The following DCDC1 variants were observed in gnomAD, a reference collection of about 807,000 sequenced individuals.
DCDC1 encodes doublecortin domain-containing protein 1.
In DCDC1, 200 loss-of-function variants were observed where a neutral mutation model predicts 178.3. That is an observed-to-expected ratio of 1.12 (90% confidence interval 1.00 to 1.26). DCDC1 has a LOEUF of 1.26. Ranked by LOEUF, DCDC1 falls within the 50% of genes most tolerant of loss-of-function variation. The probability of loss-of-function intolerance (pLI) is 0.00; values close to 1 mark genes in which losing one functional copy is unlikely to be tolerated. For synonymous variants in DCDC1, 690 were observed against 604.8 expected (o/e 1.14, Z -2.07); for missense variants, 1,983 against 1,749.2 (o/e 1.13, Z -2.38).
chr11:30,914,199 T>C (rs953319255), intron 27 of DCDC1, among the ~76,000 whole-genome samples: 1 of 152,226 alleles, frequency 6.6e-6, no homozygotes, highest in Non-Finnish European at 1.5e-5. Context: ...CCCAGGTGAA[T>C]GGGGCAAAGA....
intron 8 of DCDC1, among the ~76,000 whole-genome samples, chr11:31,261,286 T>C (rs1354966176): frequency 6.6e-6 from 1 of 152,188 alleles, no homozygotes; most frequent in Non-Finnish European, 1.5e-5. Context: ...TAATCATTAT[T>C]GTTTTAGGTA....
chr11:31,239,003 T>C (rs1178208644), intron 9 of DCDC1, among the ~76,000 whole-genome samples: 1 of 152,100 alleles, frequency 6.6e-6, no homozygotes, highest in Non-Finnish European at 1.5e-5. Context: ...ATTATCGCAA[T>C]TTATTTAAAA....
chr11:31,073,506 C>G (rs1956691373), intron 18 of DCDC1, among the ~76,000 whole-genome samples: 1 of 152,134 alleles, frequency 6.6e-6, no homozygotes, highest in South Asian at 2.1e-4. Flanking sequence ...CAACTGTGTT[C>G]AGGTATGTTT....
At chr11:30,871,567 T>C (rs1941561479) in intron 38 of DCDC1, among the ~76,000 whole-genome samples, 2 of 152,140 alleles carry the variant, frequency 1.3e-5, no homozygotes, top group Non-Finnish European at 2.9e-5. Context: ...TATCTATCTA[T>C]CTCCCTCTCT....
At chr11:31,081,902 A>G (rs1957199862) in intron 17 of DCDC1, among the ~76,000 whole-genome samples, 1 of 152,174 alleles carries the variant, frequency 6.6e-6, no homozygotes, top group African/African-American at 2.4e-5. Context: ...TATCATTCTA[A>G]TTTACAATAA....
chr11:31,336,616 T>A (rs1043535937), intron 1 of DCDC1, among the ~76,000 whole-genome samples: 1 of 152,242 alleles, frequency 6.6e-6, no homozygotes, highest in Non-Finnish European at 1.5e-5. Context: ...GTCCATATGT[T>A]AGTATTTTCT....
chr11:31,043,362 G>A (rs1176118139), intron 20 of DCDC1, among the ~76,000 whole-genome samples: 1 of 152,146 alleles, frequency 6.6e-6, no homozygotes, highest in East Asian at 1.9e-4. Flanking sequence ...AAGAGACAAA[G>A]CTGCTGACAT....
chr11:31,298,523 C>T (rs772672048), intron 6 of DCDC1, among the ~76,000 whole-genome samples: 96 of 152,254 alleles, frequency 6.3e-4, no homozygotes, highest in Admixed American at 5.4e-3. Context: ...CTGCCATGTC[C>T]GCCTGACTGT....
intron 31 of DCDC1, 143 bp downstream of exon 31, chr11:30,904,818 C>G: frequency 1.1e-6 from 1 of 904,764 alleles, no homozygotes; most frequent in Non-Finnish European, 1.7e-6. Flanking sequence ...TTTAAGTAAA[C>G]AGAGATCTTC....
Position 31,211,817 on chromosome 11 carries a change from T to A in DCDC1, c.1221+29633A>T, listed in dbSNP as rs561053958. 2.0e-5 allele frequency among the ~76,000 whole-genome samples: 3 copies of A among 152,262 alleles called. No homozygotes were observed. In the East Asian group the frequency reaches 5.8e-4, roughly 29 times the overall value. ...AAGCTAAGCAGCCGGGCGCAGTGGC[T>A]CACACCTGTAATCCCAGCACTTTGG... On this transcript the variant is annotated intron_variant, in intron 9 of 38. Coordinates refer to ENST00000684477, the MANE Select transcript of DCDC1 (RefSeq NM_001387274.1).
chr11:30,998,982 C>A (rs1318750197), intron 20 of DCDC1, among the ~76,000 whole-genome samples: 1 of 152,150 alleles, frequency 6.6e-6, no homozygotes, highest in Non-Finnish European at 1.5e-5. Flanking sequence ...GAGAATATTA[C>A]TTCTGTGGTA....
At chr11:31,045,805 A>G (rs1486062812) in intron 20 of DCDC1, among the ~76,000 whole-genome samples, 1 of 152,076 alleles carries the variant, frequency 6.6e-6, no homozygotes, top group Non-Finnish European at 1.5e-5. Flanking sequence ...GATATGTCCA[A>G]TTGGGAGATG....
intron 18 of DCDC1, among the ~76,000 whole-genome samples, chr11:31,073,779 T>C (rs1439448374): frequency 6.6e-6 from 1 of 152,202 alleles, no homozygotes; most frequent in African/African-American, 2.4e-5. Context: ...TTCCCTTCTA[T>C]GAACAGAACT....
chr11:31,227,759 C>G (rs1459249024), intron 9 of DCDC1, among the ~76,000 whole-genome samples: 1 of 151,610 alleles, frequency 6.6e-6, no homozygotes, highest in Non-Finnish European at 1.5e-5. Flanking sequence ...TTCTACAAGA[C>G]AGAATATAAA....
At chr11:31,046,691 T>C (rs1022028931) in intron 20 of DCDC1, among the ~76,000 whole-genome samples, 1 of 151,706 alleles carries the variant, frequency 6.6e-6, no homozygotes, top group African/African-American at 2.4e-5. Context: ...AGGGAACTTA[T>C]ACCAGTTAGA....
chr11:30,903,909 C>T (rs921361211), intron 31 of DCDC1: 9 of 349,422 alleles, frequency 2.6e-5, no homozygotes, highest in Non-Finnish European at 3.6e-5. Flanking sequence ...AATTTCCTAT[C>T]TCCACAAATT....
At chr11:30,908,382 G>T (rs1426030893) in intron 29 of DCDC1, among the ~76,000 whole-genome samples, 1 of 152,014 alleles carries the variant, frequency 6.6e-6, no homozygotes, top group Non-Finnish European at 1.5e-5. Flanking sequence ...CTACGCAACT[G>T]AGTGTCACAT....
Position 30,888,144 on chromosome 11 carries a change from A to AAGAAAG in DCDC1, c.5082+4668_5082+4673dup, listed in dbSNP as rs1554959135. Among the ~76,000 whole-genome samples the AAGAAAG allele has an allele frequency of 4.1e-4, 58 of 142,130 alleles. 1 individual carries two copies. The highest frequency in any genetic ancestry group is 2.6e-3 in the South Asian group (12 of 4,658). 93.2% of individuals were successfully genotyped at this position (142,130 alleles called of 152,430 possible). ...AAAGAAAGAAAGAAAGAAAGAAAGA[A>AAGAAAG]AGAAAGAAAGAAAGAAAGGGAAAGA... On this transcript the variant is annotated intron_variant, in intron 36 of 38. Transcript: ENST00000684477.
At chr11:31,001,571 C>T (rs1951581938) in intron 20 of DCDC1, among the ~76,000 whole-genome samples, 1 of 152,196 alleles carries the variant, frequency 6.6e-6, no homozygotes, top group Non-Finnish European at 1.5e-5. Flanking sequence ...ACTCAACAAG[C>T]AGGTAGTGAG....
Sources: allele counts gnomAD v4.1 joint callset (sites outside exome capture counted in the v4.1 genomes callset), GRCh38; gene constraint gnomAD v4.1.1; transcripts MANE v1.5; gene names NCBI Gene and HGNC (gene_info 2026-07-23, HGNC 2026-07-21).